Variants in CFAP54 observed in about 807,000 individuals in gnomAD.
The protein encoded by CFAP54 is cilia and flagella associated protein 54.
Under a neutral mutation model 370.4 loss-of-function variants are expected in CFAP54, and 290 were observed. The observed-to-expected ratio is 0.78, with a 90% CI of 0.71 to 0.86. CFAP54 has a LOEUF of 0.86. Ranked by LOEUF, CFAP54 falls within the 40% of genes least tolerant of loss-of-function variation. CFAP54 has a pLI of 0.00. For synonymous variants in CFAP54, 1,206 were observed against 1,236.5 expected, an observed-to-expected ratio of 0.98 and a Z score of 0.52; for missense variants, 3,399 against 3,528.7, an observed-to-expected ratio of 0.96 and a Z score of 0.93.
chr12:96,691,733 G>A (rs1957390554), intron 44 of CFAP54, among the ~76,000 whole-genome samples: 1 of 151,990 alleles, frequency 6.6e-6, no homozygotes, highest in African/African-American at 2.4e-5. Context: ...TCTGTCAAGG[G>A]TGCATCTAAG....
At chr12:96,689,667 G>T (rs1957368868) in intron 43 of CFAP54, among the ~76,000 whole-genome samples, 1 of 152,096 alleles carries the variant, frequency 6.6e-6, no homozygotes, top group African/African-American at 2.4e-5. Flanking sequence ...TCTATCTTAT[G>T]ATAAAGGTGA....
intron 46 of CFAP54, among the ~76,000 whole-genome samples, chr12:96,704,452 G>GTATATATATA (rs71068825): frequency 1.3e-4 from 8 of 61,296 alleles, no homozygotes; most frequent in African/African-American, 1.7e-4. Flanking sequence ...ATGTATGTGT[G>GTATATATATA]TATATATATA....
intron 50 of CFAP54, 71 bp from the exon 51 acceptor site, chr12:96,739,885 G>C: frequency 1.1e-6 from 1 of 945,408 alleles, no homozygotes; most frequent in Non-Finnish European, 1.6e-6. Context: ...TGGAGAAAGT[G>C]ATTTAGGAAA....
At chr12:96,689,228 TCAGCTCA>T (rs1252372604) in intron 43 of CFAP54, among the ~76,000 whole-genome samples, 1 of 152,106 alleles carries the variant, frequency 6.6e-6, no homozygotes, top group African/African-American at 2.4e-5. Context: ...TGGTGTGATC[TCAGCTCA>T]CTGTGACCTC....
intron 5 of CFAP54, among the ~76,000 whole-genome samples, chr12:96,517,693 A>G (rs980207765): frequency 5.9e-5 from 9 of 152,242 alleles, no homozygotes; most frequent in Non-Finnish European, 1.3e-4. Context: ...AGTCTAATTT[A>G]GAAGAGGTAC....
chr12:96,574,855 G>A (rs955020791), intron 19 of CFAP54, among the ~76,000 whole-genome samples: 10 of 151,884 alleles, frequency 6.6e-5, no homozygotes, highest in African/African-American at 2.4e-4. Context: ...TTTTTCAGAC[G>A]GTTATCAAAG....
intron 60 of CFAP54, 122 bp from the exon 61 acceptor site, chr12:96,784,595 T>C (rs914066250): frequency 5.9e-6 from 4 of 680,302 alleles, no homozygotes; most frequent in African/African-American, 5.6e-5. Context: ...GACTTTTAAA[T>C]TGAACATAGT....
rs575994290 is a variant in CFAP54, at chr12:96,494,289, A to G, written c.317+4363A>G. On this transcript the variant is annotated intron_variant, in intron 1 of 67. Coordinates refer to ENST00000524981, the MANE Select transcript of CFAP54 (RefSeq NM_001306084.2). The stretch of plus-strand genomic sequence containing the variant: ...TTTATTCCATTGGGTAGTTTTGGCA[A>G]AGGATTACCCTTATGTAATTTTTTT... Among the ~76,000 whole-genome samples the G allele has an allele frequency of 1.8e-4, 28 of 152,164 alleles. No homozygotes were observed. The South Asian group carries it at 5.8e-3, about 32-fold the overall frequency.
Position 96,728,638 on chromosome 12 carries a change from C to T in CFAP54, c.6965+8073C>T, listed in dbSNP as rs1013495959. Among the ~76,000 whole-genome samples, 31 of 152,150 alleles carry T rather than the reference C, an allele frequency of 2.0e-4. 1 individual carries two copies. The highest frequency in any genetic ancestry group is 3.4e-4 in the Non-Finnish European group (23 of 68,030). On this transcript the variant is annotated intron_variant, in intron 50 of 67. Coordinates refer to ENST00000524981, the MANE Select transcript of CFAP54 (RefSeq NM_001306084.2). ...TTGGTTTGAAATTCCTCCTGTAGCT[C>T]GGAGTAGTTTGATCATCTGAAGCCT...
intron 49 of CFAP54, among the ~76,000 whole-genome samples, chr12:96,719,663 T>C (rs543684316): frequency 3.3e-5 from 5 of 152,318 alleles, no homozygotes; most frequent in Admixed American, 6.5e-5. Context: ...ACAGAAAAAT[T>C]TGAGCTGCTC....
intron 9 of CFAP54, among the ~76,000 whole-genome samples, chr12:96,530,279 C>T (rs890025695): frequency 1.3e-5 from 2 of 152,212 alleles, no homozygotes; most frequent in African/African-American, 4.8e-5. Flanking sequence ...CCCTTGAGCC[C>T]AGGAGTTCAA....
chr12:96,682,244 A>C, intron 40 of CFAP54: 1 of 985,614 alleles, frequency 1.0e-6, no homozygotes, highest in Non-Finnish European at 1.2e-6. Context: ...GACCTTTCTC[A>C]GGAGCACTTC....
chr12:96,812,055 A>G (rs1415358521), intron 64 of CFAP54, among the ~76,000 whole-genome samples: 1 of 152,186 alleles, frequency 6.6e-6, no homozygotes. Context: ...TGTGCCCCTT[A>G]TTACCTTCAC....
chr12:96,739,627 C>T (rs562094191), intron 50 of CFAP54, among the ~76,000 whole-genome samples: 1 of 152,200 alleles, frequency 6.6e-6, no homozygotes, highest in East Asian at 1.9e-4. Flanking sequence ...ATCTTGGAAA[C>T]GTCACTCCTT....
intron 9 of CFAP54, 98 bp from the exon 10 acceptor site, chr12:96,533,694 G>T: frequency 1.1e-6 from 1 of 886,020 alleles, no homozygotes; most frequent in South Asian, 2.3e-5. Context: ...TGAAAGCAGG[G>T]ATTGTGTTTT....
intron 19 of CFAP54, among the ~76,000 whole-genome samples, chr12:96,574,455 C>T (rs1429955791): frequency 6.6e-6 from 1 of 152,030 alleles, no homozygotes; most frequent in African/African-American, 2.4e-5. Context: ...TAGTGCTTCA[C>T]TCTTAGCACT....
chr12:96,804,672 C>T (rs1958859125), intron 63 of CFAP54, among the ~76,000 whole-genome samples: 1 of 151,888 alleles, frequency 6.6e-6, no homozygotes, highest in African/African-American at 2.4e-5. Context: ...ATCAATATTA[C>T]TAAAATGACC....
intron 6 of CFAP54, among the ~76,000 whole-genome samples, chr12:96,521,537 TGTGTGTGTGTGC>T (rs753391980): frequency 0.042 from 5,368 of 126,926 alleles, 116 homozygotes; most frequent in South Asian, 0.13. Flanking sequence ...TGTGTGTGTG[TGTGTGTGTGTGC>T]GCGTGCGCAC....
intron 58 of CFAP54, among the ~76,000 whole-genome samples, chr12:96,757,844 A>AT (rs1958281272): frequency 6.6e-6 from 1 of 152,172 alleles, no homozygotes; most frequent in Non-Finnish European, 1.5e-5. Flanking sequence ...ACTGTACATA[A>AT]ATATATACTT....
Sources: allele counts gnomAD v4.1 joint callset (sites outside exome capture counted in the v4.1 genomes callset), GRCh38; gene constraint gnomAD v4.1.1; transcripts MANE v1.5; gene names NCBI Gene and HGNC (gene_info 2026-07-23, HGNC 2026-07-21).